The following CCSER1 variants were observed in gnomAD, a reference collection of about 807,000 sequenced individuals.
CCSER1 encodes coiled-coil serine rich protein 1.
A neutral mutation model predicts 82.0 loss-of-function variants in CCSER1; 41 were observed. That is an observed-to-expected ratio of 0.50 (90% CI 0.39 to 0.65). The LOEUF (loss-of-function observed/expected upper bound fraction) is 0.65, where lower values mean the gene tolerates loss of function less well. Among genes scored for constraint, CCSER1 ranks in the 30% least tolerant of loss-of-function variants. CCSER1 has a pLI of 0.00. For missense variants in CCSER1, 1,119 were observed against 1,064.2 expected (o/e 1.05, Z -0.72); for synonymous variants, 414 against 383.9 (o/e 1.08, Z -0.92).
chr4:90,931,491 T>G (rs1363534628), intron 9 of CCSER1, among the ~76,000 whole-genome samples: 1 of 152,164 alleles, frequency 6.6e-6, no homozygotes, highest in Non-Finnish European at 1.5e-5. Context: ...AAACACTAAT[T>G]TTTTAATCGC....
intron 7 of CCSER1, chr4:90,780,619 G>A: frequency 7.0e-7 from 1 of 1,423,262 alleles, no homozygotes; most frequent in South Asian, 1.7e-5. Flanking sequence ...AGGACAGTAG[G>A]CTTTTCTATA....
chr4:90,307,770 T>C (rs1734577883), intron 1 of CCSER1, among the ~76,000 whole-genome samples: 1 of 152,146 alleles, frequency 6.6e-6, no homozygotes, highest in Non-Finnish European at 1.5e-5. Flanking sequence ...GTCAGTAACT[T>C]GTTGAGTCGT....
chr4:91,324,405 A>G (rs1746406273), intron 10 of CCSER1, among the ~76,000 whole-genome samples: 1 of 152,196 alleles, frequency 6.6e-6, no homozygotes, highest in Non-Finnish European at 1.5e-5. Context: ...GTCAACGTCA[A>G]CGTGCAATAC....
At chr4:90,324,120 C>T (rs1737685597) in intron 3 of CCSER1, among the ~76,000 whole-genome samples, 2 of 152,074 alleles carry the variant, frequency 1.3e-5, no homozygotes, top group African/African-American at 4.8e-5. Context: ...AATAGTGCCG[C>T]AATAAACATA....
intron 10 of CCSER1, among the ~76,000 whole-genome samples, chr4:91,273,479 C>A (rs1046028369): frequency 2.0e-5 from 3 of 152,006 alleles, no homozygotes; most frequent in Non-Finnish European, 4.4e-5. Context: ...TTGCTGAATT[C>A]TTTTATCAGT....
At chr4:90,752,771 G>A (rs1237650532) in intron 7 of CCSER1, among the ~76,000 whole-genome samples, 1 of 151,922 alleles carries the variant, frequency 6.6e-6, no homozygotes, top group African/African-American at 2.4e-5. Context: ...GTTTCTCTAA[G>A]TTTCAGATTC....
chr4:91,447,807 A>T (rs114153629), intron 10 of CCSER1, among the ~76,000 whole-genome samples: 1,657 of 152,234 alleles, frequency 0.011, 16 homozygotes, highest in Non-Finnish European at 0.018. Flanking sequence ...AGTACTTATC[A>T]TAGTGAAATA....
At chr4:91,203,984 A>G (rs1302993305) in intron 10 of CCSER1, among the ~76,000 whole-genome samples, 3 of 151,874 alleles carry the variant, frequency 2.0e-5, no homozygotes, top group African/African-American at 7.2e-5. Context: ...GGCATTTTAT[A>G]ATATTTTAAT....
intron 5 of CCSER1, among the ~76,000 whole-genome samples, chr4:90,553,586 A>G (rs957379785): frequency 2.6e-5 from 4 of 152,248 alleles, no homozygotes; most frequent in Non-Finnish European, 4.4e-5. Flanking sequence ...TGCACTGCCC[A>G]CAAGTGCTCA....
chr4:91,080,728 AG>A (rs1182304427), intron 9 of CCSER1, among the ~76,000 whole-genome samples: 7 of 152,160 alleles, frequency 4.6e-5, no homozygotes, highest in African/African-American at 1.7e-4. Flanking sequence ...AAAATGATAA[AG>A]GGGATATCAC....
chr4:90,276,216 TTC>T, intron 1 of CCSER1, among the ~76,000 whole-genome samples: 1 of 87,402 alleles, frequency 1.1e-5, no homozygotes, highest in Non-Finnish European at 2.3e-5. Flanking sequence ...CTTTCTTTCT[TTC>T]TTTCTTTCTT....
At chr4:90,485,503 G>A (rs570778042) in intron 5 of CCSER1, among the ~76,000 whole-genome samples, 5 of 149,452 alleles carry the variant, frequency 3.3e-5, no homozygotes, top group South Asian at 4.3e-4. Context: ...GTTCCTATTC[G>A]GCCATCTTGG....
chr4:91,590,325 C>G (rs945075378), intron 10 of CCSER1, among the ~76,000 whole-genome samples: 6 of 152,078 alleles, frequency 3.9e-5, no homozygotes, highest in Admixed American at 1.3e-4. Context: ...CTGCCAGAAC[C>G]TTTTGATGTT....
intron 6 of CCSER1, among the ~76,000 whole-genome samples, chr4:90,719,302 C>T (rs529898165): frequency 1.3e-5 from 2 of 152,006 alleles, no homozygotes; most frequent in African/African-American, 4.8e-5. Context: ...TCACATTCTC[C>T]CATCCCTCCC....
intron 5 of CCSER1, among the ~76,000 whole-genome samples, chr4:90,492,475 G>T (rs1232637451): frequency 6.6e-6 from 1 of 152,074 alleles, no homozygotes; most frequent in Non-Finnish European, 1.5e-5. Flanking sequence ...CCAGCTCCTG[G>T]ATTCATTGAT....
intron 5 of CCSER1, among the ~76,000 whole-genome samples, chr4:90,590,997 T>G (rs1705102000): frequency 6.6e-6 from 1 of 152,180 alleles, no homozygotes; most frequent in African/African-American, 2.4e-5. Context: ...GTAGTTCTCC[T>G]TGAAGAGGTC....
chr4:90,484,443 G>A (rs1766638237), intron 5 of CCSER1, among the ~76,000 whole-genome samples: 1 of 152,124 alleles, frequency 6.6e-6, no homozygotes, highest in Non-Finnish European at 1.5e-5. Context: ...AGGAGGAGAG[G>A]TGCTTTGATT....
intron 4 of CCSER1, among the ~76,000 whole-genome samples, chr4:90,458,940 G>C (rs376500000): frequency 4.6e-5 from 7 of 152,208 alleles, no homozygotes; most frequent in African/African-American, 1.4e-4. Context: ...TGCCGATAAA[G>C]TTTTTAATAG....
Position 91,106,696 on chromosome 4 carries a change from G to A in CCSER1, c.2217+20702G>A, listed in dbSNP as rs765267134. 7.5e-4 allele frequency among the ~76,000 whole-genome samples: 114 copies of A among 152,144 alleles called. 2 individuals carry two copies. The highest frequency in any genetic ancestry group is 6.5e-4 in the Admixed American group (10 of 15,272). On this transcript the variant is annotated intron_variant, in intron 10 of 10. Transcript: ENST00000509176. ...CTTGGTCTCTGTCTTTTGGAAAATG[G>A]ACAGTTATTTATTCTATTTCTCTTT...
Sources: gnomAD v4.1 joint callset for allele counts (sites outside exome capture counted in the v4.1 genomes callset) on GRCh38, gnomAD v4.1.1 for gene constraint, MANE v1.5 for transcripts, NCBI Gene and HGNC (gene_info 2026-07-23, HGNC 2026-07-21) for gene names.